Variants in VPS13D observed in about 807,000 individuals in gnomAD.
The protein encoded by VPS13D is vacuolar protein sorting 13 homolog D, also known as intermembrane lipid transfer protein VPS13D.
A neutral mutation model predicts 461.9 loss-of-function variants in VPS13D; 187 were observed. The ratio of observed to expected loss-of-function variants is 0.40; its 90% CI spans 0.36 to 0.46. VPS13D has a LOEUF of 0.46. Ranked by LOEUF, VPS13D falls within the 20% of genes least tolerant of loss-of-function variation. VPS13D has a pLI of 0.60. For missense variants in VPS13D, 4,711 were observed against 5,364.9 expected, an observed-to-expected ratio of 0.88 and a Z score of 3.81; for synonymous variants, 1,951 against 1,986.3, an observed-to-expected ratio of 0.98 and a Z score of 0.47.
intron 67 of VPS13D, chr1:12,497,256 A>T: frequency 3.5e-6 from 1 of 288,626 alleles, no homozygotes; most frequent in Non-Finnish European, 6.4e-6. Context: ...ACTGAGGGTT[A>T]AGGAAGGTAA....
intron 29 of VPS13D, among the ~76,000 whole-genome samples, chr1:12,313,565 T>C (rs1642814025): frequency 6.6e-6 from 1 of 152,180 alleles, no homozygotes; most frequent in South Asian, 2.1e-4. Context: ...AATTATGAAT[T>C]CCTCATTGCA....
chr1:12,371,470 A>G (rs1202681346), intron 54 of VPS13D, among the ~76,000 whole-genome samples: 1 of 147,004 alleles, frequency 6.8e-6, no homozygotes, highest in African/African-American at 2.5e-5. Flanking sequence ...GGCTCACTGT[A>G]ACCTCCACCT....
At chr1:12,349,507 T>G in intron 46 of VPS13D, 133 bp downstream of exon 46, 1 of 962,158 alleles carries the variant, frequency 1.0e-6, no homozygotes, top group African/African-American at 1.7e-5. Context: ...TCTTATTCCT[T>G]GAGTTTTAGT....
intron 52 of VPS13D, 96 bp from the exon 53 acceptor site, chr1:12,368,372 C>G: frequency 6.9e-7 from 1 of 1,445,656 alleles, no homozygotes; most frequent in East Asian, 2.4e-5. Flanking sequence ...GACTGAGGCC[C>G]AAACAGTGTT....
At chr1:12,472,066 C>A (rs1343310212) in intron 67 of VPS13D, among the ~76,000 whole-genome samples, 1 of 152,182 alleles carries the variant, frequency 6.6e-6, no homozygotes, top group Non-Finnish European at 1.5e-5. Flanking sequence ...TGTTGTCTAG[C>A]TATTTTTGTC....
rs1646161093 is a variant in VPS13D at position 12,509,922 on chromosome 1, C to G, written c.*898C>G. ...AAAAAAAAGTCCCATTGAACTGTTG[C>G]AACAAATCAGAAATCCACATAAAAG... On this transcript the variant is annotated 3_prime_UTR_variant, in exon 70 of 70. Transcript: ENST00000620676. 1 of 152,212 alleles carries G rather than the reference C, an allele frequency of 6.6e-6. No homozygotes were observed. The highest frequency in any genetic ancestry group is 6.5e-5 in the Admixed American group (1 of 15,278). The allele number at this position is 152,212 out of a possible 1,614,324, so 9.4% of individuals were successfully genotyped here.
intron 13 of VPS13D, among the ~76,000 whole-genome samples, chr1:12,262,647 G>C (rs562170631): frequency 6.6e-6 from 1 of 152,194 alleles, no homozygotes; most frequent in South Asian, 2.1e-4. Flanking sequence ...GCTAGGCCAA[G>C]CTGTGATGTC....
At chr1:12,432,290 G>A (rs1373000199) in intron 65 of VPS13D, among the ~76,000 whole-genome samples, 1 of 152,046 alleles carries the variant, frequency 6.6e-6, no homozygotes, top group Non-Finnish European at 1.5e-5. Context: ...CTACTTGGAA[G>A]GCTGAGGCAG....
In VPS13D at chr1:12,362,708, T is replaced by C. The variant is rs1643969276; in HGVS notation, c.10142-12T>C. On this transcript the variant is annotated splice_polypyrimidine_tract_variant and intron_variant, in intron 50 of 69. Transcript: ENST00000620676. ...ATGGTTAACTCATAAAAGTGGTTCT[T>C]GTTATTTGTAGGTATTGATGTCAAG... is the stretch of plus-strand genomic sequence containing the variant. 6.2e-7 allele frequency: 1 copy of C among 1,612,234 alleles called. No individual in the cohort carries two copies.
At chr1:12,361,944 T>C (rs554830796) in intron 50 of VPS13D, among the ~76,000 whole-genome samples, 2 of 152,324 alleles carry the variant, frequency 1.3e-5, no homozygotes, top group South Asian at 2.1e-4. Flanking sequence ...TTGCAACCTC[T>C]GCCTCCCAAG....
chr1:12,497,407 C>T (rs1308758801), intron 67 of VPS13D, 93 bp from the exon 68 acceptor site: 23 of 1,425,906 alleles, frequency 1.6e-5, no homozygotes, highest in Admixed American at 8.8e-5. Context: ...AAGTATGTCT[C>T]GTATTACAGA....
intron 60 of VPS13D, among the ~76,000 whole-genome samples, chr1:12,390,755 C>T (rs946752311): frequency 2.6e-5 from 4 of 152,186 alleles, no homozygotes; most frequent in African/African-American, 9.7e-5. Flanking sequence ...GCATTAAGCA[C>T]TGGCTGTAGA....
intron 65 of VPS13D, among the ~76,000 whole-genome samples, chr1:12,446,687 T>A (rs1645196312): frequency 6.6e-6 from 1 of 152,192 alleles, no homozygotes; most frequent in Admixed American, 6.5e-5. Flanking sequence ...AGACCAGCTC[T>A]AACTTAGCAA....
At chr1:12,371,190 C>G (rs1644110734) in intron 54 of VPS13D, among the ~76,000 whole-genome samples, 1 of 151,996 alleles carries the variant, frequency 6.6e-6, no homozygotes, top group South Asian at 2.1e-4. Flanking sequence ...GAAACCAAAA[C>G]CTATTGAGCA....
chr1:12,413,231 C>T (rs992958787), intron 63 of VPS13D, among the ~76,000 whole-genome samples: 5 of 151,578 alleles, frequency 3.3e-5, no homozygotes, highest in Admixed American at 1.3e-4. Context: ...GGGTCAGCCA[C>T]GGTAATCCCA....
intron 54 of VPS13D, 68 bp from the exon 55 acceptor site, chr1:12,373,682 T>C: frequency 1.1e-6 from 1 of 895,408 alleles, no homozygotes; most frequent in Middle Eastern, 4.3e-4. Flanking sequence ...CTTGAATACA[T>C]GTGTGAGTAT....
chr1:12,455,397 C>A (rs1031304048), intron 65 of VPS13D, among the ~76,000 whole-genome samples: 2 of 152,344 alleles, frequency 1.3e-5, no homozygotes, highest in Middle Eastern at 3.4e-3. Context: ...TCCTGAAGCT[C>A]ACTTCTCCCT....
chr1:12,340,363 C>G lies in VPS13D; in HGVS notation c.8627-1417C>G, dbSNP rs138250398. ...GTTTAGCAGATTACTATATCTTAGA[C>G]TCCCCTGAACCATCGTTGTTATCAA... is the stretch of plus-strand genomic sequence containing the variant. On this transcript the variant is annotated intron_variant, in intron 40 of 69. Transcript: ENST00000620676. Among the ~76,000 whole-genome samples, 9 of 152,322 alleles carry G rather than the reference C, an allele frequency of 5.9e-5. No homozygotes were observed. In the East Asian group the frequency reaches 1.7e-3, roughly 29 times the overall value.
Position 12,402,402 on chromosome 1 carries a change from T to C in VPS13D, c.11881+698T>C, listed in dbSNP as rs6683570. Among the ~76,000 whole-genome samples, 233 of 152,330 alleles carry C rather than the reference T, an allele frequency of 1.5e-3. 5 individuals are homozygous for C. In the East Asian group the frequency reaches 0.022, roughly 14 times the overall value. On this transcript the variant is annotated intron_variant, in intron 62 of 69. Coordinates refer to ENST00000620676, the MANE Select transcript of VPS13D (RefSeq NM_015378.4). ...TTAGAAAAAAGTCAGTAATACTCAG[T>C]CTTTTGAAGCCTAAACTAAATATTG... is the stretch of plus-strand genomic sequence containing the variant.
Sources: allele counts gnomAD v4.1 joint callset (sites outside exome capture counted in the v4.1 genomes callset), GRCh38; gene constraint gnomAD v4.1.1; transcripts MANE v1.5; gene names NCBI Gene and HGNC (gene_info 2026-07-23, HGNC 2026-07-21).